Variants in HS2ST1 observed in about 807,000 individuals in gnomAD.
The protein encoded by HS2ST1 is heparan sulfate 2-O-sulfotransferase 1.
In HS2ST1, 18 loss-of-function variants were observed where a neutral mutation model predicts 42.9. The ratio of observed to expected loss-of-function variants is 0.42; its 90% CI spans 0.29 to 0.62. HS2ST1 has a LOEUF of 0.62. Ranked by LOEUF, HS2ST1 falls within the 20% of genes least tolerant of loss-of-function variation. The probability of loss-of-function intolerance (pLI) is 0.21; values close to 1 mark genes in which losing one functional copy is unlikely to be tolerated. For missense variants in HS2ST1, 334 were observed against 433.8 expected (o/e 0.77, Z 2.04); for synonymous variants, 146 against 152.9 (o/e 0.95, Z 0.33).
intron 1 of HS2ST1, among the ~76,000 whole-genome samples, chr1:87,030,524 GCACACGCA>G (rs1026961660): frequency 3.9e-4 from 59 of 151,476 alleles, no homozygotes; most frequent in African/African-American, 1.4e-3. Context: ...AGACATGCAT[GCACACGCA>G]CACACGCACA....
chr1:87,035,225 G>A (rs540727809), intron 1 of HS2ST1, among the ~76,000 whole-genome samples: 1 of 152,096 alleles, frequency 6.6e-6, no homozygotes, highest in South Asian at 2.1e-4. Context: ...TAATAAATTT[G>A]TTTTCCTATC....
At position 87,104,534 on chromosome 1, in the gene HS2ST1, A is replaced by C; in HGVS notation, c.909A>C (p.Lys303Asn). 7 of 1,613,638 alleles carry C rather than the reference A, an allele frequency of 4.3e-6. No individual in the cohort carries two copies. Among genetic ancestry groups the C allele is most frequent in the Non-Finnish European group, 5.9e-6 (7 of 1,179,618 alleles). ...KKLPTKQTIAKLQQSDIWKME... is the reference protein window; with the variant it reads ...KKLPTKQTIANLQQSDIWKME... ...TCCCCACTAAACAAACCATTGCAAA[A>C]CTACAGCAATCTGATATTTGGAAAA... The change falls in exon 7 of 7, where the codon AAA (lysine) becomes AAC (asparagine). Residue 303 changes from lysine to asparagine, a missense_variant. Lys to Asn is a moderately conservative substitution (Grantham distance 94). Coordinates refer to ENST00000370550, the MANE Select transcript of HS2ST1 (RefSeq NM_012262.4).
intron 1 of HS2ST1, among the ~76,000 whole-genome samples, chr1:86,985,514 A>G (rs1344755349): frequency 1.4e-3 from 80 of 59,172 alleles, no homozygotes; most frequent in Non-Finnish European, 2.5e-3. Flanking sequence ...ATACACATAT[A>G]TATACACATA....
intron 1 of HS2ST1, among the ~76,000 whole-genome samples, chr1:86,942,938 T>A (rs1299424657): frequency 6.6e-6 from 1 of 152,114 alleles, no homozygotes; most frequent in African/African-American, 2.4e-5. Context: ...TCCCCCCTTA[T>A]CTACAATCAT....
At chr1:87,092,743 T>A in intron 4 of HS2ST1, 74 bp downstream of exon 4, 1 of 923,774 alleles carries the variant, frequency 1.1e-6, no homozygotes, top group Non-Finnish European at 1.5e-6. Flanking sequence ...CTTTTAAAAT[T>A]TGTTGTTAAT....
At chr1:86,993,689 A>G (rs1370810317) in intron 1 of HS2ST1, among the ~76,000 whole-genome samples, 1 of 152,202 alleles carries the variant, frequency 6.6e-6, no homozygotes, top group East Asian at 1.9e-4. Flanking sequence ...TAACAAAAGA[A>G]AAAGAAGTTT....
rs556011377 is a variant in HS2ST1, at chr1:86,971,513, A to T, written c.124+56353A>T. Among the ~76,000 whole-genome samples, 291 of 152,314 alleles carry T rather than the reference A, an allele frequency of 1.9e-3. 1 individual carries two copies. Among genetic ancestry groups the T allele is most frequent in the African/African-American group, 6.6e-3 (276 of 41,570 alleles). ...TTATTATGTACTCAGCTTAGGTCAGATGGTTAGATGTCTAGTCTTATATCT... is the reference window on the plus strand; with the variant it reads ...TTATTATGTACTCAGCTTAGGTCAGTTGGTTAGATGTCTAGTCTTATATCT... On this transcript the variant is annotated intron_variant, in intron 1 of 6. Transcript: ENST00000370550.
rs145020296 is a variant in HS2ST1 at position 87,073,015 on chromosome 1, A to T, written c.206A>T (p.Asp69Val). Residue 69 changes from aspartate (D) to valine (V), a missense_variant, in exon 2 of 7, where the codon GAT (aspartate) becomes GTT (valine). Transcript: ENST00000370550. Reference protein sequence around the residue: ...MDGPRQDATLDEEEDMVIIYN... With the variant: ...MDGPRQDATLVEEEDMVIIYN... ...GGCCCTCGGCAAGATGCCACTTTAG[A>T]TGAGGAAGAGGACATGGTGATCATT... is the stretch of plus-strand genomic sequence containing the variant. 5 of 1,613,968 alleles carry T rather than the reference A, an allele frequency of 3.1e-6. No individual in the cohort carries two copies. In the African/African-American group the frequency reaches 6.7e-5, roughly 22 times the overall value.
rs141552372 is a variant in HS2ST1, at chr1:86,975,376, A to T, written c.124+60216A>T. On this transcript the variant is annotated intron_variant, in intron 1 of 6. Coordinates refer to ENST00000370550, the MANE Select transcript of HS2ST1 (RefSeq NM_012262.4). ...TCAAAATGCTAATTGGCTGCATAAA[A>T]AAAGGCACCTTAATTTTTCTTTTCT... Among the ~76,000 whole-genome samples the T allele has an allele frequency of 5.4e-4, 82 of 152,244 alleles. No homozygotes were observed. The South Asian group carries it at 6.8e-3, about 13-fold the overall frequency.
chr1:87,011,114 C>G (rs1328363537), intron 1 of HS2ST1, among the ~76,000 whole-genome samples: 3 of 151,718 alleles, frequency 2.0e-5, no homozygotes, highest in Non-Finnish European at 4.4e-5. Context: ...AAAAATATTC[C>G]TATGAATGAG....
At chr1:87,018,548 G>C (rs975299084) in intron 1 of HS2ST1, among the ~76,000 whole-genome samples, 3 of 152,168 alleles carry the variant, frequency 2.0e-5, no homozygotes, top group Admixed American at 2.0e-4. Flanking sequence ...CATCTTCTGG[G>C]TGGTTTTATA....
chr1:87,101,352 G>T (rs1652201001), intron 5 of HS2ST1, among the ~76,000 whole-genome samples: 1 of 151,570 alleles, frequency 6.6e-6, no homozygotes, highest in Non-Finnish European at 1.5e-5. Flanking sequence ...TTTTAGTAAA[G>T]ATGGGGTTTC....
chr1:86,928,122 G>A (rs1171957262), intron 1 of HS2ST1, among the ~76,000 whole-genome samples: 1 of 152,058 alleles, frequency 6.6e-6, no homozygotes, highest in Non-Finnish European at 1.5e-5. Context: ...AATTTTTATA[G>A]TGTATTCAGT....
intron 1 of HS2ST1, among the ~76,000 whole-genome samples, chr1:86,925,582 T>A (rs1364138231): frequency 1.3e-5 from 2 of 152,196 alleles, no homozygotes; most frequent in East Asian, 3.8e-4. Context: ...TGAGAAAGCT[T>A]GTTCAGGGGA....
intron 1 of HS2ST1, among the ~76,000 whole-genome samples, chr1:86,949,448 A>G (rs1056207740): frequency 6.6e-6 from 1 of 152,094 alleles, no homozygotes; most frequent in African/African-American, 2.4e-5. Flanking sequence ...TTTTGGCCAT[A>G]CATCTCTACA....
At chr1:86,963,021 T>C (rs1309300920) in intron 1 of HS2ST1, among the ~76,000 whole-genome samples, 9 of 152,186 alleles carry the variant, frequency 5.9e-5, no homozygotes, top group Non-Finnish European at 1.2e-4. Context: ...TATTGCTGTA[T>C]TTATTTTTGG....
chr1:87,011,679 T>G (rs1024819053), intron 1 of HS2ST1, among the ~76,000 whole-genome samples: 3 of 152,246 alleles, frequency 2.0e-5, no homozygotes, highest in African/African-American at 4.8e-5. Flanking sequence ...GCCATCTGTC[T>G]TACCTAACAA....
intron 1 of HS2ST1, chr1:87,045,948 T>G: frequency 2.8e-6 from 2 of 717,774 alleles, no homozygotes; most frequent in Non-Finnish European, 5.1e-6. Flanking sequence ...TTACTATTGA[T>G]GTCAGCAACC....
At chr1:87,076,740 A>G (rs180724343) in intron 2 of HS2ST1, among the ~76,000 whole-genome samples, 2 of 152,314 alleles carry the variant, frequency 1.3e-5, no homozygotes, top group African/African-American at 2.4e-5. Flanking sequence ...GTGTTTAGCC[A>G]TACCATATAT....
Sources: allele counts gnomAD v4.1 joint callset (sites outside exome capture counted in the v4.1 genomes callset), GRCh38; gene constraint gnomAD v4.1.1; transcripts MANE v1.5; gene names NCBI Gene and HGNC (gene_info 2026-07-23, HGNC 2026-07-21).